The following VRK2 variants were observed in gnomAD, a reference collection of about 807,000 sequenced individuals.
VRK2 encodes the protein serine/threonine-protein kinase VRK2.
In VRK2, 60 loss-of-function variants were observed where a neutral mutation model predicts 57.6. The ratio of observed to expected loss-of-function variants is 1.04; its 90% CI spans 0.85 to 1.29. The LOEUF is 1.29. Among genes scored for constraint, VRK2 ranks in the 50% most tolerant of loss-of-function variants. The probability of loss-of-function intolerance (pLI) is 0.00; values close to 1 mark genes in which losing one functional copy is unlikely to be tolerated. For synonymous variants in VRK2, 231 were observed against 199.2 expected (o/e 1.16, Z -1.35); for missense variants, 705 against 588.1 (o/e 1.20, Z -2.06).
chr2:57,911,119 G>C (rs563573796), intron 1 of VRK2, among the ~76,000 whole-genome samples: 2 of 151,216 alleles, frequency 1.3e-5, no homozygotes, highest in African/African-American at 2.4e-5. Flanking sequence ...TTTCCTCATC[G>C]GCAAAATATG....
At chr2:58,145,517 A>ATG (rs1345656866) in intron 11 of VRK2, among the ~76,000 whole-genome samples, 3 of 152,056 alleles carry the variant, frequency 2.0e-5, no homozygotes, top group Non-Finnish European at 4.4e-5. Flanking sequence ...TAATGAATTC[A>ATG]TGTGCAGCTT....
intron 3 of VRK2, among the ~76,000 whole-genome samples, chr2:58,037,255 A>G (rs1674305370): frequency 6.6e-6 from 1 of 151,982 alleles, no homozygotes; most frequent in South Asian, 2.1e-4. Context: ...GTTTAAATGT[A>G]CACGGTCGCA....
intron 1 of VRK2, among the ~76,000 whole-genome samples, chr2:57,910,095 C>T (rs990725486): frequency 1.3e-5 from 2 of 150,960 alleles, no homozygotes; most frequent in Non-Finnish European, 3.0e-5. Context: ...TACTTAAAAC[C>T]ATGAATGAAG....
chr2:57,998,185 C>A (rs912935076), intron 1 of VRK2, among the ~76,000 whole-genome samples: 2 of 151,966 alleles, frequency 1.3e-5, no homozygotes, highest in African/African-American at 2.4e-5. Context: ...GCCTTTCTGC[C>A]CTGTTTTAAT....
chr2:58,133,432 CTT>C (rs1679506218), intron 9 of VRK2, among the ~76,000 whole-genome samples: 1 of 152,118 alleles, frequency 6.6e-6, no homozygotes, highest in Non-Finnish European at 1.5e-5. Context: ...CATTTTCAAA[CTT>C]ATTATAGTAC....
intron 2 of VRK2, among the ~76,000 whole-genome samples, chr2:58,050,799 G>T (rs1422994115): frequency 6.6e-6 from 1 of 152,056 alleles, no homozygotes; most frequent in Non-Finnish European, 1.5e-5. Flanking sequence ...CTATTCAAAT[G>T]CAGAAAAATA....
intron 12 of VRK2, among the ~76,000 whole-genome samples, chr2:58,149,561 A>G (rs911534013): frequency 6.6e-6 from 1 of 151,512 alleles, no homozygotes; most frequent in African/African-American, 2.4e-5. Flanking sequence ...ATCTGCTAGC[A>G]GCTCTAGTAT....
intron 12 of VRK2, chr2:58,154,803 G>A (rs948614572): frequency 3.2e-5 from 23 of 716,924 alleles, no homozygotes; most frequent in Non-Finnish European, 5.5e-5. Flanking sequence ...TTTTTCTAAT[G>A]TAAGTATTCC....
In VRK2 at chr2:58,137,218, A is replaced by G. The variant is rs369989296; in HGVS notation, c.856+2019A>G. On this transcript the variant is annotated intron_variant, in intron 10 of 12. Coordinates refer to ENST00000340157, the MANE Select transcript of VRK2 (RefSeq NM_006296.7). Reference sequence around the variant, plus strand: ...CATATATATCTCATATATGATACATATATATCATATGATACATATATATCA... The same window carrying G: ...CATATATATCTCATATATGATACATGTATATCATATGATACATATATATCA... 3.9e-3 allele frequency among the ~76,000 whole-genome samples: 167 copies of G among 42,608 alleles called. 2 individuals carry two copies. The highest frequency in any genetic ancestry group is 5.9e-3 in the African/African-American group (38 of 6,392). 28.0% of individuals were successfully genotyped at this position (42,608 alleles called of 152,430 possible).
chr2:58,073,759 G>T (rs1174829097), intron 2 of VRK2, among the ~76,000 whole-genome samples: 1 of 151,658 alleles, frequency 6.6e-6, no homozygotes, highest in Non-Finnish European at 1.5e-5. Context: ...AAACTGAGGA[G>T]CAAGGAAACC....
At chr2:57,967,794 A>G (rs965104477) in intron 1 of VRK2, among the ~76,000 whole-genome samples, 1 of 151,080 alleles carries the variant, frequency 6.6e-6, no homozygotes, top group African/African-American at 2.5e-5. Context: ...AAAATATTTG[A>G]AGGATCAGGA....
chr2:58,036,264 T>G (rs1674270506), intron 3 of VRK2, among the ~76,000 whole-genome samples: 1 of 152,002 alleles, frequency 6.6e-6, no homozygotes. Context: ...TTTGATATAA[T>G]AATATTACTT....
rs182516143 is a variant in VRK2 at position 58,022,499 on chromosome 2, G to A, written c.-438-3166G>A. Among the ~76,000 whole-genome samples the A allele has an allele frequency of 2.5e-4, 38 of 152,282 alleles. 1 individual carries two copies. The highest frequency in any genetic ancestry group is 9.8e-4 in the Admixed American group (15 of 15,296). Reference sequence around the variant, plus strand: ...ATTTTGTAAAAGTTGAGGGGAGTAGGAAAAGAGCAAATGTAGGAAAAGAGT... The same window carrying A: ...ATTTTGTAAAAGTTGAGGGGAGTAGAAAAAGAGCAAATGTAGGAAAAGAGT... On this transcript the variant is annotated intron_variant, in intron 1 of 15. Coordinates refer to the VRK2 transcript ENST00000417641.
chr2:57,980,365 A>C (rs894625181), intron 1 of VRK2, among the ~76,000 whole-genome samples: 1 of 152,036 alleles, frequency 6.6e-6, no homozygotes, highest in Non-Finnish European at 1.5e-5. Context: ...TCTTGGCATA[A>C]ATTTTTACTT....
chr2:58,097,922 C>T (rs1056610312), intron 7 of VRK2, among the ~76,000 whole-genome samples: 1 of 151,888 alleles, frequency 6.6e-6, no homozygotes, highest in African/African-American at 2.4e-5. Context: ...TGTAAAACAG[C>T]CTCACACAGG....
intron 1 of VRK2, among the ~76,000 whole-genome samples, chr2:57,941,306 A>T (rs952411100): frequency 6.6e-6 from 1 of 152,216 alleles, no homozygotes; most frequent in Non-Finnish European, 1.5e-5. Flanking sequence ...TAAGTTCTAC[A>T]TGAATATTGA....
At chr2:58,041,252 G>A (rs1292648213) in intron 3 of VRK2, among the ~76,000 whole-genome samples, 1 of 152,100 alleles carries the variant, frequency 6.6e-6, no homozygotes, top group Non-Finnish European at 1.5e-5. Context: ...TTGTTTGGCA[G>A]CAGGGTTCTA....
intron 3 of VRK2, among the ~76,000 whole-genome samples, chr2:58,039,314 C>T (rs937080402): frequency 1.3e-5 from 2 of 152,068 alleles, no homozygotes; most frequent in African/African-American, 2.4e-5. Context: ...GAAGTACATT[C>T]AACTCTTAAA....
intron 1 of VRK2, among the ~76,000 whole-genome samples, chr2:58,014,828 T>C (rs952117195): frequency 3.3e-5 from 5 of 152,110 alleles, no homozygotes; most frequent in African/African-American, 9.7e-5. Flanking sequence ...TAAAAGAGTA[T>C]TATTGTGTAG....
Sources: gnomAD v4.1 joint callset for allele counts (sites outside exome capture counted in the v4.1 genomes callset) on GRCh38, gnomAD v4.1.1 for gene constraint, MANE v1.5 for transcripts, NCBI Gene and HGNC (gene_info 2026-07-23, HGNC 2026-07-21) for gene names.